Variants in PTPRT observed in about 807,000 individuals in gnomAD.
PTPRT encodes the protein receptor-type tyrosine-protein phosphatase T.
Under a neutral mutation model 176.8 loss-of-function variants are expected in PTPRT, and 56 were observed. The ratio of observed to expected loss-of-function variants is 0.32; its 90% CI spans 0.26 to 0.40. The LOEUF is 0.40. Ranked by LOEUF, PTPRT falls within the 10% of genes least tolerant of loss-of-function variation. The pLI, the probability that PTPRT is intolerant of heterozygous loss-of-function variation, is 1.00. For synonymous variants in PTPRT, 783 were observed against 739.0 expected, an observed-to-expected ratio of 1.06 and a Z score of -0.96; for missense variants, 1,540 against 1,908.2, an observed-to-expected ratio of 0.81 and a Z score of 3.60.
At chr20:43,015,747 C>A (rs1985335852) in intron 1 of PTPRT, among the ~76,000 whole-genome samples, 1 of 152,140 alleles carries the variant, frequency 6.6e-6, no homozygotes, top group Non-Finnish European at 1.5e-5. Flanking sequence ...ACACCAGTCA[C>A]AGCACCCTTC....
chr20:43,146,198 C>G (rs965499590), intron 1 of PTPRT, among the ~76,000 whole-genome samples: 4 of 152,158 alleles, frequency 2.6e-5, no homozygotes, highest in African/African-American at 9.7e-5. Context: ...CACTGACACA[C>G]TAAATATTAC....
intron 27 of PTPRT, among the ~76,000 whole-genome samples, chr20:42,086,589 G>C (rs1371702587): frequency 6.6e-6 from 1 of 150,748 alleles, no homozygotes; most frequent in African/African-American, 2.4e-5. Flanking sequence ...CTCATTCCAG[G>C]AAAACCTTCA....
chr20:42,436,453 T>C (rs779282433), intron 9 of PTPRT, among the ~76,000 whole-genome samples: 3 of 152,136 alleles, frequency 2.0e-5, no homozygotes, highest in East Asian at 1.9e-4. Context: ...TTCTACCTCA[T>C]TAATAATAGA....
In PTPRT at chr20:43,039,301, G is replaced by A. The variant is rs551226725; in HGVS notation, c.88+150345C>T. Among the ~76,000 whole-genome samples the A allele has an allele frequency of 9.9e-5, 15 of 151,986 alleles. No homozygotes were observed. The South Asian group carries it at 2.7e-3, about 27-fold the overall frequency. On this transcript the variant is annotated intron_variant, in intron 1 of 30. Coordinates refer to ENST00000373187, the MANE Select transcript of PTPRT (RefSeq NM_007050.6). The stretch of plus-strand genomic sequence containing the variant: ...CATGTCCTGTAAGTAGAAAACACAT[G>A]AATTATTCAGTAAGAGGTATTAGGA...
intron 1 of PTPRT, among the ~76,000 whole-genome samples, chr20:43,173,701 C>T (rs2015058784): frequency 6.6e-6 from 1 of 152,150 alleles, no homozygotes. Context: ...AGTGTGAAAT[C>T]AGGGGCAGCT....
intron 7 of PTPRT, among the ~76,000 whole-genome samples, chr20:42,628,815 C>T (rs781343260): frequency 3.9e-5 from 6 of 152,118 alleles, no homozygotes; most frequent in South Asian, 4.1e-4. Flanking sequence ...CATTTGTTTA[C>T]GTATGACACA....
At chr20:42,667,565 T>G (rs1185069902) in intron 7 of PTPRT, among the ~76,000 whole-genome samples, 1 of 152,238 alleles carries the variant, frequency 6.6e-6, no homozygotes, top group African/African-American at 2.4e-5. Flanking sequence ...TGATAAACAC[T>G]GTTAGCTTTT....
chr20:42,043,161 A>T, the PTPRT span, among the ~76,000 whole-genome samples: 437 of 152,336 alleles, frequency 2.9e-3, no homozygotes, highest in Non-Finnish European at 5.1e-3. Context: ...AATGTACAAA[A>T]CATATATATT....
At chr20:42,270,974 C>G (rs1431777242) in intron 13 of PTPRT, among the ~76,000 whole-genome samples, 1 of 152,184 alleles carries the variant, frequency 6.6e-6, no homozygotes, top group East Asian at 1.9e-4. Context: ...TCACTTTGTT[C>G]AAGCCAACCT....
At chr20:42,156,259 G>A (rs1989346986) in intron 17 of PTPRT, among the ~76,000 whole-genome samples, 2 of 152,150 alleles carry the variant, frequency 1.3e-5, no homozygotes, top group Admixed American at 6.5e-5. Context: ...CCTCTATGGT[G>A]GCATTTTTTG....
At chr20:42,502,830 T>C (rs1422326272) in intron 7 of PTPRT, among the ~76,000 whole-genome samples, 1 of 152,074 alleles carries the variant, frequency 6.6e-6, no homozygotes, top group Non-Finnish European at 1.5e-5. Context: ...TGTGAGTAAA[T>C]CACTGGATGT....
chr20:42,905,267 G>A (rs188122897), intron 1 of PTPRT, among the ~76,000 whole-genome samples: 1 of 152,276 alleles, frequency 6.6e-6, no homozygotes, highest in Non-Finnish European at 1.5e-5. Flanking sequence ...GATATGGCCA[G>A]ACACTTATCA....
At chr20:42,213,512 T>A (rs774944216) in intron 15 of PTPRT, among the ~76,000 whole-genome samples, 1 of 152,214 alleles carries the variant, frequency 6.6e-6, no homozygotes, top group South Asian at 2.1e-4. Flanking sequence ...GCAAAAGATA[T>A]GTTGAAGTCC....
intron 2 of PTPRT, among the ~76,000 whole-genome samples, chr20:42,870,895 C>T (rs2078833745): frequency 6.6e-6 from 1 of 151,370 alleles, no homozygotes; most frequent in Admixed American, 6.6e-5. Flanking sequence ...GGTGATATCT[C>T]ATTGTGGTTT....
intron 16 of PTPRT, among the ~76,000 whole-genome samples, chr20:42,193,492 T>G (rs538500682): frequency 6.6e-6 from 1 of 152,248 alleles, no homozygotes; most frequent in Non-Finnish European, 1.5e-5. Flanking sequence ...GAAGGAACAC[T>G]GATTTAGGAG....
intron 8 of PTPRT, among the ~76,000 whole-genome samples, chr20:42,456,255 T>C (rs2070922484): frequency 6.6e-6 from 1 of 152,058 alleles, no homozygotes; most frequent in South Asian, 2.1e-4. Context: ...TTGGCAAACA[T>C]GCTATATTCT....
chr20:42,348,369 C>A (rs372588555), intron 11 of PTPRT, among the ~76,000 whole-genome samples: 1 of 58,786 alleles, frequency 1.7e-5, no homozygotes, highest in African/African-American at 5.4e-5. Context: ...AGTGACATTT[C>A]TTTTATTTAT....
chr20:42,331,179 T>C (rs1002363740), intron 11 of PTPRT, among the ~76,000 whole-genome samples: 1 of 152,094 alleles, frequency 6.6e-6, no homozygotes, highest in South Asian at 2.1e-4. Flanking sequence ...AGTTGAAATG[T>C]CGTTTTCTAA....
intron 2 of PTPRT, among the ~76,000 whole-genome samples, chr20:42,866,711 G>A (rs202174255): frequency 1.3e-5 from 2 of 152,164 alleles, no homozygotes; most frequent in Non-Finnish European, 2.9e-5. Context: ...TATGCCACAT[G>A]ACCATGGTAT....
Sources: allele counts gnomAD v4.1 joint callset (sites outside exome capture counted in the v4.1 genomes callset), GRCh38; gene constraint gnomAD v4.1.1; transcripts MANE v1.5; gene names NCBI Gene and HGNC (gene_info 2026-07-23, HGNC 2026-07-21).